GBE1: variants seen among roughly 807,000 people sequenced by gnomAD.
GBE1 encodes the protein 1,4-alpha-glucan-branching enzyme.
Under a neutral mutation model 88.8 loss-of-function variants are expected in GBE1, and 70 were observed. That is an observed-to-expected ratio of 0.79 (90% CI 0.65 to 0.96). GBE1 has a LOEUF of 0.96. Among genes scored for constraint, GBE1 ranks in the 40% least tolerant of loss-of-function variants. The pLI is 0.00. For synonymous variants in GBE1, 284 were observed against 300.1 expected (o/e 0.95, Z 0.56); for missense variants, 872 against 871.0 (o/e 1.00, Z -0.01).
chr3:81,699,604 C>G (rs1464493285), intron 2 of GBE1, among the ~76,000 whole-genome samples: 1 of 152,134 alleles, frequency 6.6e-6, no homozygotes, highest in East Asian at 1.9e-4. Flanking sequence ...AATTTGGAGT[C>G]TGACGTTCAA....
chr3:81,740,766 GCACA>G (rs71633686), intron 1 of GBE1, among the ~76,000 whole-genome samples: 8 of 149,308 alleles, frequency 5.4e-5, no homozygotes, highest in African/African-American at 7.4e-5. Context: ...GTTAGAAAGT[GCACA>G]CACACACACA....
At chr3:81,746,648 G>T (rs1483013316) in intron 1 of GBE1, among the ~76,000 whole-genome samples, 1 of 152,054 alleles carries the variant, frequency 6.6e-6, no homozygotes, top group African/African-American at 2.4e-5. Context: ...CAGTATACAT[G>T]AACATATACA....
chr3:81,706,269 T>C (rs1559694279), intron 1 of GBE1, among the ~76,000 whole-genome samples: 1 of 152,072 alleles, frequency 6.6e-6, no homozygotes, highest in Admixed American at 6.6e-5. Flanking sequence ...GTCAAGAACA[T>C]ACACCATATC....
chr3:81,640,116 T>C (rs1369512939), intron 7 of GBE1, among the ~76,000 whole-genome samples: 1 of 152,186 alleles, frequency 6.6e-6, no homozygotes, highest in Non-Finnish European at 1.5e-5. Flanking sequence ...ATCTATATTG[T>C]TTAATAATGT....
intron 1 of GBE1, among the ~76,000 whole-genome samples, chr3:81,750,543 ATATATATG>A (rs1239453890): frequency 0.014 from 1,238 of 89,166 alleles, 118 homozygotes; most frequent in African/African-American, 0.052. Flanking sequence ...ATATACGTAT[ATATATATG>A]TATATATATA....
At chr3:81,526,479 C>T (rs1236572198) in intron 14 of GBE1, among the ~76,000 whole-genome samples, 1 of 152,080 alleles carries the variant, frequency 6.6e-6, no homozygotes, top group Non-Finnish European at 1.5e-5. Flanking sequence ...ACCCCATTGT[C>T]TCAGCCCAAA....
chr3:81,664,037 T>C (rs1415484184), intron 3 of GBE1, among the ~76,000 whole-genome samples: 1 of 152,150 alleles, frequency 6.6e-6, no homozygotes, highest in Non-Finnish European at 1.5e-5. Context: ...ATTTTCTCCG[T>C]GCATTTGGTT....
chr3:81,561,267 T>C (rs935057015), intron 12 of GBE1, among the ~76,000 whole-genome samples: 1 of 152,066 alleles, frequency 6.6e-6, no homozygotes, highest in African/African-American at 2.4e-5. Context: ...TTCAAACTTG[T>C]ACAGTCAAAG....
chr3:81,681,231 T>C (rs1173553343), intron 2 of GBE1, among the ~76,000 whole-genome samples: 1 of 152,194 alleles, frequency 6.6e-6, no homozygotes, highest in Non-Finnish European at 1.5e-5. Context: ...GGGCCAAGAA[T>C]GGCTCTCAAG....
At chr3:81,715,070 T>C (rs1347931684) in intron 1 of GBE1, among the ~76,000 whole-genome samples, 2 of 152,140 alleles carry the variant, frequency 1.3e-5, no homozygotes, top group Non-Finnish European at 2.9e-5. Context: ...CAAAATAAAA[T>C]GAATGTGTAG....
In GBE1 at chr3:81,593,743, T is replaced by C. The variant is rs116670479; in HGVS notation, c.1108+165A>G. 5.9e-3 allele frequency among the ~76,000 whole-genome samples: 892 copies of C among 152,306 alleles called. 6 individuals carry two copies. The highest frequency in any genetic ancestry group is 0.017 in the African/African-American group (704 of 41,576). On this transcript the variant is annotated intron_variant, in intron 8 of 15. Transcript: ENST00000429644. ...ATATTTCAAAGGAAATGATTACCTT[T>C]TGTTTACTTATAAAATGTACTTATA...
intron 12 of GBE1, among the ~76,000 whole-genome samples, chr3:81,544,084 C>T (rs1233821242): frequency 6.6e-6 from 1 of 152,056 alleles, no homozygotes; most frequent in Non-Finnish European, 1.5e-5. Context: ...CAAAGATTAA[C>T]TGTATTTGTG....
intron 1 of GBE1, among the ~76,000 whole-genome samples, chr3:81,732,955 T>C (rs771070263): frequency 7.2e-5 from 11 of 152,174 alleles, no homozygotes; most frequent in African/African-American, 2.7e-4. Flanking sequence ...TTCTGTCCCA[T>C]ACAAACTCTT....
intron 1 of GBE1, among the ~76,000 whole-genome samples, chr3:81,761,173 C>T (rs1209158322): frequency 6.6e-6 from 1 of 152,238 alleles, no homozygotes; most frequent in Non-Finnish European, 1.5e-5. Flanking sequence ...AGCGCCCGCT[C>T]CGGGCACCAG....
At chr3:81,717,955 TTTTATTTATTTA>T (rs57810073) in intron 1 of GBE1, among the ~76,000 whole-genome samples, 241 of 147,064 alleles carry the variant, frequency 1.6e-3, no homozygotes, top group Middle Eastern at 6.9e-3. Flanking sequence ...GGAAATTTTA[TTTTATTTATTTA>T]TTTATTTATT....
intron 15 of GBE1, among the ~76,000 whole-genome samples, 174 bp from the exon 16 acceptor site, chr3:81,490,637 A>G (rs1326671227): frequency 1.3e-5 from 2 of 152,116 alleles, no homozygotes; most frequent in Non-Finnish European, 2.9e-5. Flanking sequence ...TTCTGGCAGC[A>G]ACATGACTAC....
intron 7 of GBE1, among the ~76,000 whole-genome samples, chr3:81,627,025 AT>A (rs1281457991): frequency 6.6e-6 from 1 of 152,174 alleles, no homozygotes; most frequent in East Asian, 1.9e-4. Flanking sequence ...AAGAAATTAT[AT>A]GGAACGAAGA....
intron 12 of GBE1, 118 bp downstream of exon 12, chr3:81,577,807 A>C: frequency 2.7e-6 from 2 of 752,284 alleles, no homozygotes; most frequent in Non-Finnish European, 2.1e-6. Context: ...TATGAAATAA[A>C]TAGTTGTAAT....
intron 15 of GBE1, among the ~76,000 whole-genome samples, chr3:81,491,803 A>C (rs1180580224): frequency 6.6e-6 from 1 of 152,194 alleles, no homozygotes; most frequent in Admixed American, 6.5e-5. Flanking sequence ...ACTCAAACAA[A>C]TAGAACAGTT....
Sources: allele counts gnomAD v4.1 joint callset (sites outside exome capture counted in the v4.1 genomes callset), GRCh38; gene constraint gnomAD v4.1.1; transcripts MANE v1.5; gene names NCBI Gene and HGNC (gene_info 2026-07-23, HGNC 2026-07-21).